Variants in CLASP1 observed in about 807,000 individuals in gnomAD.
CLASP1 encodes the protein cytoplasmic linker associated protein 1.
Under a neutral mutation model 192.3 loss-of-function variants are expected in CLASP1, and 38 were observed. The ratio of observed to expected loss-of-function variants is 0.20; its 90% CI spans 0.15 to 0.26. The LOEUF (loss-of-function observed/expected upper bound fraction) is 0.26, where lower values mean the gene tolerates loss of function less well. Among genes scored for constraint, CLASP1 ranks in the 10% least tolerant of loss-of-function variants. The pLI is 1.00. For missense variants in CLASP1, 1,433 were observed against 1,932.5 expected (o/e 0.74, Z 4.85); for synonymous variants, 691 against 712.8 (o/e 0.97, Z 0.49).
intron 31 of CLASP1, 137 bp from the exon 33 acceptor site, chr2:121,387,365 C>T (rs759523659): frequency 2.1e-5 from 13 of 610,178 alleles, no homozygotes; most frequent in African/African-American, 1.5e-4. Flanking sequence ...CCCTTAGAAT[C>T]ATAAGGCCAA....
intron 19 of CLASP1, chr2:121,445,590 T>G: frequency 1.7e-6 from 1 of 605,424 alleles, no homozygotes; most frequent in Non-Finnish European, 2.7e-6. Flanking sequence ...AAATTCTCAC[T>G]AGGATTGTGC....
Position 121,345,587 on chromosome 2 carries a change from A to G in CLASP1, c.4530+1451T>C, listed in dbSNP as rs573371240. Among the ~76,000 whole-genome samples the G allele has an allele frequency of 1.7e-3, 252 of 152,110 alleles. 8 individuals are homozygous for G. Among genetic ancestry groups the G allele is most frequent in the Admixed American group, 0.015 (230 of 15,282 alleles). ...TGATGGAGGTAGGAGAGCTGGGGGG[A>G]CTTTTGCTCTGTATCTTTCAGATAA... On this transcript the variant is annotated intron_variant, in intron 39 of 39. Transcript: ENST00000263710.
intron 8 of CLASP1, among the ~76,000 whole-genome samples, chr2:121,473,039 C>T (rs1218373526): frequency 6.6e-6 from 1 of 151,990 alleles, no homozygotes; most frequent in African/African-American, 2.4e-5. Flanking sequence ...TCACAATACA[C>T]AATATCTAAT....
At chr2:121,495,292 CAGCCTGGGCGACAG>C (rs1475406470) in intron 8 of CLASP1, among the ~76,000 whole-genome samples, 1 of 151,938 alleles carries the variant, frequency 6.6e-6, no homozygotes, top group Non-Finnish European at 1.5e-5. Context: ...CACTGCCCTC[CAGCCTGGGCGACAG>C]AGCTGGACTC....
intron 2 of CLASP1, among the ~76,000 whole-genome samples, chr2:121,593,776 C>T (rs962302018): frequency 6.6e-6 from 1 of 151,690 alleles, no homozygotes; most frequent in Non-Finnish European, 1.5e-5. Flanking sequence ...TTTGGGAGGC[C>T]GAGGTGGGTG....
chr2:121,493,362 T>C (rs951021688), intron 8 of CLASP1, among the ~76,000 whole-genome samples: 1 of 152,220 alleles, frequency 6.6e-6, no homozygotes, highest in African/African-American at 2.4e-5. Flanking sequence ...TGAACTCATT[T>C]TTGACAACAG....
rs114521691 is a variant in CLASP1, at chr2:121,556,971, G to T, written c.196-26646C>A. Among the ~76,000 whole-genome samples the T allele has an allele frequency of 6.6e-3, 1,001 of 152,330 alleles. 15 individuals are homozygous for T. The highest frequency in any genetic ancestry group is 0.023 in the African/African-American group (957 of 41,580). ...CTCCATCCTAGTTCTGCTACCAAATGACTCTAGGTGTGTTATTAATACTTG... is the reference window on the plus strand; with the variant it reads ...CTCCATCCTAGTTCTGCTACCAAATTACTCTAGGTGTGTTATTAATACTTG... On this transcript the variant is annotated intron_variant, in intron 2 of 39. Coordinates refer to ENST00000263710, the Ensembl canonical transcript of CLASP1.
At chr2:121,560,207 G>A (rs748137270) in intron 2 of CLASP1, among the ~76,000 whole-genome samples, 2 of 152,166 alleles carry the variant, frequency 1.3e-5, no homozygotes, top group Non-Finnish European at 2.9e-5. Context: ...ATACAGTGCA[G>A]CTACAGGAAA....
chr2:121,391,684 A>T (rs1331878480), intron 30 of CLASP1, among the ~76,000 whole-genome samples: 1 of 152,146 alleles, frequency 6.6e-6, no homozygotes, highest in Non-Finnish European at 1.5e-5. Flanking sequence ...GGGCAGATCA[A>T]CTGAGGTCAG....
At chr2:121,470,231 T>C in intron 8 of CLASP1, 1 of 508,948 alleles carries the variant, frequency 2.0e-6, no homozygotes, top group Non-Finnish European at 3.8e-6. Flanking sequence ...AAACAATCTC[T>C]CATAAAACCA....
chr2:121,451,138 G>T, intron 15 of CLASP1, 148 bp from the exon 16 acceptor site: 1 of 607,870 alleles, frequency 1.6e-6, no homozygotes, highest in Non-Finnish European at 2.9e-6. Flanking sequence ...GCTGGGCAAA[G>T]CACGGCACTC....
intron 6 of CLASP1, among the ~76,000 whole-genome samples, chr2:121,519,749 A>G (rs2094414080): frequency 2.0e-5 from 3 of 152,240 alleles, no homozygotes; most frequent in Admixed American, 2.0e-4. Flanking sequence ...ACAGGGTCAG[A>G]TAGCATTTAG....
exon 40 of CLASP1, chr2:121,340,728 C>G (rs569423190): frequency 7.2e-4 from 484 of 668,544 alleles, no homozygotes; most frequent in Admixed American, 1.8e-3. Context: ...CTGGAAGGGA[C>G]CAAAATACTG....
chr2:121,360,161 T>C (rs926915779), intron 37 of CLASP1, among the ~76,000 whole-genome samples: 1 of 152,200 alleles, frequency 6.6e-6, no homozygotes, highest in Non-Finnish European at 1.5e-5. Context: ...CTGGTGCCAA[T>C]ATCTCTAAAA....
exon 16 of CLASP1, chr2:121,450,981 T>C (rs1574976935): frequency 6.3e-7 from 1 of 1,589,898 alleles, no homozygotes; most frequent in South Asian, 1.1e-5. Context: ...CAGCTAATAC[T>C]GATATGTGTC....
chr2:121,449,060 C>G, exon 17 of CLASP1: 1 of 1,613,914 alleles, frequency 6.2e-7, no homozygotes, highest in Non-Finnish European at 8.5e-7. Context: ...AGGAGGACTC[C>G]AAGGTGTGGT....
intron 24 of CLASP1, among the ~76,000 whole-genome samples, chr2:121,408,514 G>C (rs564071369): frequency 6.6e-6 from 1 of 152,126 alleles, no homozygotes; most frequent in Admixed American, 6.5e-5. Context: ...AACAAATAGC[G>C]ATTGGCTTAA....
Position 121,431,712 on chromosome 2 carries a change from C to T in CLASP1, c.1913-1535G>A, listed in dbSNP as rs542327742. 3.0e-4 allele frequency among the ~76,000 whole-genome samples: 45 copies of T among 151,142 alleles called. 1 individual carries two copies. Among genetic ancestry groups the T allele is most frequent in the African/African-American group, 1.1e-3 (44 of 41,248 alleles). On this transcript the variant is annotated intron_variant, in intron 19 of 39. Coordinates refer to ENST00000263710, the Ensembl canonical transcript of CLASP1. ...TCTACTTTCCCCCAACATTTGGTAACATGATCCTAAACCCAGTGTTCAGCA... is the reference window on the plus strand; with the variant it reads ...TCTACTTTCCCCCAACATTTGGTAATATGATCCTAAACCCAGTGTTCAGCA...
At chr2:121,560,219 A>G (rs1246088233) in intron 2 of CLASP1, among the ~76,000 whole-genome samples, 5 of 152,210 alleles carry the variant, frequency 3.3e-5, no homozygotes, top group African/African-American at 1.2e-4. Flanking sequence ...TACAGGAAAG[A>G]ATAATTTAGA....
Sources: allele counts gnomAD v4.1 joint callset (sites outside exome capture counted in the v4.1 genomes callset), GRCh38; gene constraint gnomAD v4.1.1; transcripts MANE v1.5; gene names NCBI Gene and HGNC (gene_info 2026-07-23, HGNC 2026-07-21).